Variants in PAQR3 observed in about 807,000 individuals in gnomAD.
PAQR3 encodes the protein Raf kinase trapping to Golgi.
A neutral mutation model predicts 41.7 loss-of-function variants in PAQR3; 39 were observed. The observed-to-expected ratio is 0.93, with a 90% confidence interval of 0.72 to 1.22. The LOEUF (loss-of-function observed/expected upper bound fraction) is 1.22. Ranked by LOEUF, PAQR3 falls within the 50% of genes most tolerant of loss-of-function variation. The pLI, the probability that PAQR3 is intolerant of heterozygous loss-of-function variation, is 0.00. For missense variants in PAQR3, 366 were observed against 385.6 expected, an observed-to-expected ratio of 0.95 and a Z score of 0.42; for synonymous variants, 140 against 140.6, an observed-to-expected ratio of 1.00 and a Z score of 0.03.
rs758836081 is a variant in PAQR3 at position 78,939,041 on chromosome 4, T to A, written c.184A>T (p.Ser62Cys). The change falls in exon 1 of 6, where the codon AGT (serine) becomes TGT (cysteine). Residue 62 changes from serine (S) to cysteine (C), a missense_variant and splice_region_variant. Coordinates refer to ENST00000512733, the MANE Select transcript of PAQR3 (RefSeq NM_001040202.2). ...AYLPSRLCIKSLFILSNETVN... is the reference protein window; with the variant it reads ...AYLPSRLCIKCLFILSNETVN... ...CAGGCGGAGGCAGCCAGACCGTACC[T>A]TTTGATACACAGCCTGGACGGCAGG... 1.9e-6 allele frequency: 3 copies of A among 1,600,240 alleles called. No homozygotes were observed. The highest frequency in any genetic ancestry group is 2.6e-6 in the Non-Finnish European group (3 of 1,170,330).
intron 3 of PAQR3, among the ~76,000 whole-genome samples, chr4:78,929,852 A>C (rs941365874): frequency 1.3e-5 from 2 of 152,242 alleles, no homozygotes; most frequent in African/African-American, 2.4e-5. Flanking sequence ...CAAATAAAAG[A>C]TATATAATGT....
intron 3 of PAQR3, 71 bp from the exon 4 acceptor site, chr4:78,926,789 T>C: frequency 1.5e-6 from 2 of 1,372,142 alleles, no homozygotes; most frequent in Non-Finnish European, 2.1e-6. Flanking sequence ...AATTTTGGCT[T>C]TTACACTACA....
chr4:78,939,005 AG>A (rs1371503727), intron 1 of PAQR3, 34 bp downstream of exon 1: 6 of 1,540,894 alleles, frequency 3.9e-6, no homozygotes, highest in East Asian at 2.5e-5. Context: ...AGGTGAGAGA[AG>A]GGGGCACTCC....
downstream of PAQR3, chr4:78,911,074 T>A (rs1221855749): frequency 6.2e-7 from 1 of 1,613,966 alleles, no homozygotes; most frequent in Admixed American, 1.7e-5. Flanking sequence ...AGCCCAATTA[T>A]CCTCTGATGT....
rs1361169122 is a variant in PAQR3 at position 78,937,968 on chromosome 4, C to T, written c.185+1072G>A. Among the ~76,000 whole-genome samples the T allele has an allele frequency of 5.3e-5, 8 of 152,182 alleles. No homozygotes were observed. The East Asian group carries it at 7.7e-4, about 15-fold the overall frequency. ...GCACTGGGGAGGAAAACGGTAATTA[C>T]GCTTCAAGTTGTGAATCCTAAGGGC... On this transcript the variant is annotated intron_variant, in intron 1 of 5. Coordinates refer to ENST00000512733, the MANE Select transcript of PAQR3 (RefSeq NM_001040202.2).
chr4:78,890,391 T>TACACAATCATGCGCACACACAC, intron 11 of PAQR3, among the ~76,000 whole-genome samples: 1 of 142,682 alleles, frequency 7.0e-6, no homozygotes, highest in African/African-American at 3.0e-5. Flanking sequence ...GCCTCACACA[T>TACACAATCATGCGCACACACAC]ACACAATCAT....
downstream of PAQR3, chr4:78,911,189 C>T: frequency 1.2e-6 from 2 of 1,613,764 alleles, no homozygotes; most frequent in Non-Finnish European, 1.7e-6. Context: ...AAGAACCTCC[C>T]TCAACACAGG....
intron 2 of PAQR3, among the ~76,000 whole-genome samples, chr4:78,930,880 T>TTATATATA (rs147412098): frequency 7.3e-5 from 11 of 150,384 alleles, no homozygotes; most frequent in South Asian, 2.1e-4. Context: ...CATGCACACA[T>TTATATATA]TATATATATA....
intron 2 of PAQR3, among the ~76,000 whole-genome samples, chr4:78,932,463 GC>G (rs1737004729): frequency 6.6e-6 from 1 of 152,138 alleles, no homozygotes; most frequent in South Asian, 2.1e-4. Context: ...GATGACTGTA[GC>G]TTGGAAGTAG....
rs986917241 is a variant in PAQR3, at chr4:78,916,528, A to G, written c.*4011T>C. ...TAAGATTAGATCCCTATTCTTAAGG[A>G]GCTCAGAGTTTACAATTTAGGTAAG... is the stretch of plus-strand genomic sequence containing the variant. On this transcript the variant is annotated 3_prime_UTR_variant, in exon 6 of 6. Transcript: ENST00000512733. 3 of 151,876 alleles carry G rather than the reference A, an allele frequency of 2.0e-5. No individual in the cohort carries two copies. The highest frequency in any genetic ancestry group is 7.2e-5 in the African/African-American group (3 of 41,428). The allele number at this position is 151,876 out of a possible 1,614,324, so 9.4% of individuals were successfully genotyped here.
intron 11 of PAQR3, among the ~76,000 whole-genome samples, chr4:78,889,745 T>C (rs1733328616): frequency 6.6e-6 from 1 of 152,248 alleles, no homozygotes; most frequent in African/African-American, 2.4e-5. Context: ...TGTATGTGTG[T>C]ATATACAATA....
rs557920683 is a variant in PAQR3, at chr4:78,914,731, T to C, written c.*5808A>G. 7 of 151,278 alleles carry C rather than the reference T, an allele frequency of 4.6e-5. No individual in the cohort carries two copies. In the South Asian group the frequency reaches 1.5e-3, roughly 31 times the overall value. The allele number at this position is 151,278 out of a possible 1,614,324, so 9.4% of individuals were successfully genotyped here. A position where few individuals can be genotyped will look rare whatever the true frequency, so the allele number is the denominator to read the frequency against. On this transcript the variant is annotated 3_prime_UTR_variant, in exon 6 of 6. Coordinates refer to ENST00000512733, the MANE Select transcript of PAQR3 (RefSeq NM_001040202.2). ...GTACCACTAAGCAAATATATATATA[T>C]ATATATATTTGGGGTTTTTTTTCCC... is the stretch of plus-strand genomic sequence containing the variant.
chr4:78,924,726 T>G (rs924538563), intron 4 of PAQR3, among the ~76,000 whole-genome samples: 52 of 152,092 alleles, frequency 3.4e-4, no homozygotes, highest in African/African-American at 1.2e-3. Context: ...TTTTTTTTTT[T>G]TTTAATTAGC....
intron 11 of PAQR3, among the ~76,000 whole-genome samples, chr4:78,891,643 C>A (rs1362562919): frequency 6.6e-6 from 1 of 152,102 alleles, no homozygotes; most frequent in Non-Finnish European, 1.5e-5. Flanking sequence ...TTGCAAATAA[C>A]ATATTATTGG....
chr4:78,934,762 G>A (rs1253317498), intron 2 of PAQR3, among the ~76,000 whole-genome samples: 2 of 152,186 alleles, frequency 1.3e-5, no homozygotes, highest in Non-Finnish European at 2.9e-5. Flanking sequence ...ACACAAACAG[G>A]AGGAAAGAGA....
At chr4:78,922,219 C>T in intron 5 of PAQR3, 1 of 1,192,116 alleles carries the variant, frequency 8.4e-7, no homozygotes, top group Non-Finnish European at 1.1e-6. Flanking sequence ...AGATCTGTTC[C>T]CAAATCCTCA....
intron 11 of PAQR3, among the ~76,000 whole-genome samples, chr4:78,905,292 A>G (rs1278611160): frequency 6.6e-6 from 1 of 151,958 alleles, no homozygotes; most frequent in Non-Finnish European, 1.5e-5. Flanking sequence ...AAGATAATAA[A>G]AAAGCTAAAA....
At chr4:78,911,370 C>T, downstream of PAQR3, 1 of 1,614,004 alleles carries the variant, frequency 6.2e-7, no homozygotes, top group Non-Finnish European at 8.5e-7. Context: ...AGCCCTTCCT[C>T]ACATCAACAA....
chr4:78,920,778 T>G, intron 5 of PAQR3, 97 bp from the exon 6 acceptor site: 3 of 1,370,610 alleles, frequency 2.2e-6, no homozygotes, highest in Non-Finnish European at 2.9e-6. Flanking sequence ...AGAAAAATTT[T>G]CATAGTCTCA....
Sources: allele counts gnomAD v4.1 joint callset (sites outside exome capture counted in the v4.1 genomes callset), GRCh38; gene constraint gnomAD v4.1.1; transcripts MANE v1.5; gene names NCBI Gene and HGNC (gene_info 2026-07-23, HGNC 2026-07-21).